Variants in OTOA observed in about 807,000 individuals in gnomAD.
OTOA encodes cancer/testis antigen 108.
In OTOA, 70 loss-of-function variants were observed where a neutral mutation model predicts 110.8. The observed-to-expected ratio is 0.63, with a 90% CI of 0.52 to 0.77. OTOA has a LOEUF of 0.77. Ranked by LOEUF, OTOA falls within the 30% of genes least tolerant of loss-of-function variation. The pLI is 0.00. For missense variants in OTOA, 917 were observed against 1,075.8 expected, an observed-to-expected ratio of 0.85 and a Z score of 2.06; for synonymous variants, 373 against 431.5, an observed-to-expected ratio of 0.86 and a Z score of 1.68.
At chr16:21,665,359 G>A (rs1237281179) in intron 1 of OTOA, among the ~76,000 whole-genome samples, 2 of 152,194 alleles carry the variant, frequency 1.3e-5, no homozygotes, top group Admixed American at 1.3e-4. Flanking sequence ...AGAGATAATG[G>A]TAATGCTTGC....
intron 11 of OTOA, among the ~76,000 whole-genome samples, chr16:21,703,513 C>A (rs1010054766): frequency 2.0e-5 from 3 of 151,942 alleles, no homozygotes; most frequent in African/African-American, 7.3e-5. Context: ...AAAAAAAAAT[C>A]CATTCATCCA....
chr16:21,689,717 C>G (rs920625755), intron 8 of OTOA, among the ~76,000 whole-genome samples: 4 of 151,560 alleles, frequency 2.6e-5, no homozygotes, highest in East Asian at 1.9e-4. Context: ...CAGAGTTTCA[C>G]TCTTGTTGCC....
intron 11 of OTOA, among the ~76,000 whole-genome samples, chr16:21,704,632 C>T (rs907380945): frequency 6.6e-6 from 1 of 152,148 alleles, no homozygotes; most frequent in African/African-American, 2.4e-5. Context: ...TGTCCACCAG[C>T]TCTCAGCGCT....
chr16:21,712,793 C>T (rs568800898), intron 13 of OTOA, among the ~76,000 whole-genome samples: 34 of 151,976 alleles, frequency 2.2e-4, no homozygotes, highest in African/African-American at 6.3e-4. Context: ...TGCAGTGAGC[C>T]GAGATCGCAT....
Position 21,692,286 on chromosome 16 carries a change from C to T in OTOA, c.739+599C>T, listed in dbSNP as rs191350865. Among the ~76,000 whole-genome samples the T allele has an allele frequency of 3.5e-3, 526 of 151,684 alleles. 5 individuals carry two copies. Among genetic ancestry groups the T allele is most frequent in the Non-Finnish European group, 1.9e-3 (127 of 67,936 alleles). On this transcript the variant is annotated intron_variant, in intron 9 of 28. Transcript: ENST00000646100. The stretch of plus-strand genomic sequence containing the variant: ...AGATTGCAGTGAGCTGAGATTGCAC[C>T]ACTGCACTCCGGCCTGGGTGACAGA...
intron 1 of OTOA, among the ~76,000 whole-genome samples, chr16:21,677,479 CTTTTT>C (rs778223383): frequency 8.6e-6 from 1 of 116,920 alleles, no homozygotes; most frequent in Non-Finnish European, 1.7e-5. Flanking sequence ...AGCTTCATAT[CTTTTT>C]TTTTTTTTTT....
At chr16:21,721,139 T>C (rs542847258) in intron 17 of OTOA, among the ~76,000 whole-genome samples, 13 of 151,318 alleles carry the variant, frequency 8.6e-5, no homozygotes, top group Non-Finnish European at 1.8e-4. Flanking sequence ...GGTCTTGAAC[T>C]CCTGACCTCC....
chr16:21,709,987 C>A lies in OTOA; in HGVS notation c.1204C>A (p.Leu402Met). The part of the protein sequence containing the change: ...DAVVGLTYSQ[L>M]ESLSPEAVHG... ...AGTTGTAGGTTTGACCTACAGCCAA[C>A]TGGAATCCCTCTCCCCCGAGGCTGT... is the stretch of plus-strand genomic sequence containing the variant. The change falls in exon 13 of 29, where the codon CTG (leucine) becomes ATG (methionine). Residue 402 changes from leucine (L) to methionine (M), a missense_variant. Physicochemically the swap from Leu to Met is conservative, Grantham distance 15 (BLOSUM62 2). This residue lies in a region of OTOA where 840 missense variants were observed against 910.2 expected (regional missense o/e 0.92). Coordinates refer to ENST00000646100, the MANE Select transcript of OTOA (RefSeq NM_144672.4). 6.2e-7 allele frequency: 1 copy of A among 1,614,076 alleles called. No individual in the cohort carries two copies. The highest frequency in any genetic ancestry group is 8.5e-7 in the Non-Finnish European group (1 of 1,179,968).
In OTOA at chr16:21,695,887, ATATATT is replaced by A. The variant is rs1420788816; in HGVS notation, c.740-1886_740-1881del. 2.3e-4 allele frequency among the ~76,000 whole-genome samples: 14 copies of A among 61,634 alleles called. No homozygotes were observed. The South Asian group carries it at 3.1e-3, about 14-fold the overall frequency. 40.4% of individuals were successfully genotyped at this position (61,634 alleles called of 152,430 possible). A position where few individuals can be genotyped will look rare whatever the true frequency, so the allele number is the denominator to read the frequency against. On this transcript the variant is annotated intron_variant, in intron 9 of 28. Coordinates refer to ENST00000646100, the MANE Select transcript of OTOA (RefSeq NM_144672.4). ...TTGAGATATATATATATATATATAT[ATATATT>A]TTTTTTTTTTTTTTTTTCTGAGATG... is the stretch of plus-strand genomic sequence containing the variant.
chr16:21,678,305 G>A (rs1966865538), intron 1 of OTOA, among the ~76,000 whole-genome samples: 1 of 151,874 alleles, frequency 6.6e-6, no homozygotes, highest in Non-Finnish European at 1.5e-5. Context: ...ACAAGAATGG[G>A]GGTTTAGATG....
chr16:21,730,929 A>G lies in OTOA; in HGVS notation c.2300A>G (p.Lys767Arg), dbSNP rs770617893. Residue 767 changes from lysine to arginine, a missense_variant and splice_region_variant, in exon 21 of 29, where the codon AAG becomes AGG. Physicochemically the swap from Lys to Arg is conservative, Grantham distance 26. This residue lies in a region of OTOA where 57 missense variants were observed against 59.7 expected (regional missense o/e 0.96). Transcript: ENST00000646100. The part of the protein sequence containing the change: ...SGDELSSIAT[K>R]FPEILLQAAS... ...GATGAATTAAGCTCTATAGCCACAA[A>G]GGTAATGTTGTGCTCCATCTTAAGA... is the stretch of plus-strand genomic sequence containing the variant. The G allele has an allele frequency of 2.3e-5, 34 of 1,464,332 alleles. No individual in the cohort carries two copies. The highest frequency in any genetic ancestry group is 3.0e-5 in the Non-Finnish European group (31 of 1,048,982). 90.7% of individuals were successfully genotyped at this position (1,464,332 alleles called of 1,614,324 possible). A position where few individuals can be genotyped will look rare whatever the true frequency, so the allele number is the denominator to read the frequency against.
chr16:21,669,392 C>A (rs58342670), intron 1 of OTOA, among the ~76,000 whole-genome samples: 22,727 of 151,832 alleles, frequency 0.15, 2,507 homozygotes, highest in African/African-American at 0.3. Context: ...AAAGCAAACA[C>A]AAAAAACCAC....
chr16:21,756,108 C>T (rs1899977814), intron 27 of OTOA, among the ~76,000 whole-genome samples: 3 of 151,728 alleles, frequency 2.0e-5, no homozygotes, highest in Admixed American at 6.6e-5. Context: ...GGAGCATAAG[C>T]ATCTTTCCCA....
chr16:21,683,441 C>T (rs1966932543), intron 6 of OTOA, among the ~76,000 whole-genome samples: 2 of 152,086 alleles, frequency 1.3e-5, no homozygotes, highest in South Asian at 4.2e-4. Flanking sequence ...GCCTGTAATC[C>T]CAGCACTTTG....
rs748892454 is a variant in OTOA, at chr16:21,701,109, C to T, written c.980+82C>T. The T allele has an allele frequency of 3.1e-6, 5 of 1,592,886 alleles. No homozygotes were observed. In the South Asian group the frequency reaches 3.3e-5, roughly 11 times the overall value. ...AGAATTCTCTGAGCAGCAAAACACC[C>T]AGGGAGGGAAGGGAGGTGGCTGGTC... On this transcript the variant is annotated intron_variant, in intron 11 of 28. Coordinates refer to ENST00000646100, the MANE Select transcript of OTOA (RefSeq NM_144672.4).
chr16:21,710,255 C>A, intron 13 of OTOA, 152 bp downstream of exon 13: 2 of 913,306 alleles, frequency 2.2e-6, no homozygotes, highest in Non-Finnish European at 3.3e-6. Context: ...AGTCCAACAT[C>A]GAGGTGTCAG....
intron 1 of OTOA, among the ~76,000 whole-genome samples, chr16:21,675,513 CA>C (rs1966856151): frequency 6.6e-6 from 1 of 151,770 alleles, no homozygotes; most frequent in South Asian, 2.1e-4. Flanking sequence ...TCCAGTTACA[CA>C]TATTTCAAAT....
chr16:21,714,355 TTCTC>T (rs1491342663), intron 13 of OTOA, among the ~76,000 whole-genome samples: 1 of 118,328 alleles, frequency 8.5e-6, no homozygotes, highest in Non-Finnish European at 2.0e-5. Flanking sequence ...CTTTCTTTCC[TTCTC>T]TCTTTCTTTC....
intron 1 of OTOA, among the ~76,000 whole-genome samples, chr16:21,678,229 G>A (rs1567362527): frequency 1.3e-5 from 2 of 151,994 alleles, no homozygotes; most frequent in Non-Finnish European, 2.9e-5. Flanking sequence ...ATTGAGAGGA[G>A]TTGGGGGTAG....
Sources: gnomAD v4.1 joint callset for allele counts (sites outside exome capture counted in the v4.1 genomes callset) on GRCh38, gnomAD v4.1.1 for gene constraint, gnomAD v4.1.1 regional missense constraint, MANE v1.5 for transcripts, NCBI Gene and HGNC (gene_info 2026-07-23, HGNC 2026-07-21) for gene names.